Variants in IMMP2L observed in about 807,000 individuals in gnomAD.
IMMP2L encodes mitochondrial inner membrane protease subunit 2.
In IMMP2L, 18 loss-of-function variants were observed where a neutral mutation model predicts 19.3. That is an observed-to-expected ratio of 0.93 (90% CI 0.64 to 1.38). IMMP2L has a LOEUF of 1.38. IMMP2L is among the 40% of genes most tolerant of loss of function. The probability of loss-of-function intolerance (pLI) is 0.00; values close to 1 mark genes in which losing one functional copy is unlikely to be tolerated. For missense variants in IMMP2L, 233 were observed against 218.2 expected, an observed-to-expected ratio of 1.07 and a Z score of -0.43; for synonymous variants, 76 against 73.0, an observed-to-expected ratio of 1.04 and a Z score of -0.21.
rs551739236 is a variant in IMMP2L at position 110,980,061 on chromosome 7, T to A, written c.240-16496A>T. Among the ~76,000 whole-genome samples the A allele has an allele frequency of 2.6e-5, 4 of 152,162 alleles. No homozygotes were observed. The East Asian group carries it at 7.7e-4, about 29-fold the overall frequency. On this transcript the variant is annotated intron_variant, in intron 3 of 5. Coordinates refer to ENST00000405709, the MANE Select transcript of IMMP2L (RefSeq NM_032549.4). Reference sequence around the variant, plus strand: ...AGACAAGTTTTTATACTTTCTGGCCTTGGTCTCATCTGTACAATAAAAAGC... The same window carrying A: ...AGACAAGTTTTTATACTTTCTGGCCATGGTCTCATCTGTACAATAAAAAGC...
intron 3 of IMMP2L, among the ~76,000 whole-genome samples, chr7:111,309,056 C>T (rs1486229518): frequency 5.3e-5 from 8 of 152,010 alleles, no homozygotes; most frequent in African/African-American, 1.7e-4. Flanking sequence ...AGTACAGAAC[C>T]GCACCTGCAT....
chr7:111,508,481 T>C (rs1399412746), intron 2 of IMMP2L, among the ~76,000 whole-genome samples: 1 of 152,136 alleles, frequency 6.6e-6, no homozygotes, highest in Admixed American at 6.6e-5. Context: ...GAATTAGGCA[T>C]GCAGACACCA....
chr7:111,487,107 A>G, intron 3 of IMMP2L, 131 bp downstream of exon 3: 1 of 454,414 alleles, frequency 2.2e-6, no homozygotes, highest in Non-Finnish European at 3.9e-6. Context: ...TGATTTTTTA[A>G]AAATGCATTG....
intron 3 of IMMP2L, among the ~76,000 whole-genome samples, chr7:111,185,361 G>GT (rs757021697): frequency 2.0e-5 from 3 of 152,054 alleles, no homozygotes; most frequent in Non-Finnish European, 4.4e-5. Context: ...GCAATCACCC[G>GT]TAACTCATAG....
chr7:111,309,021 A>G (rs947969759), intron 3 of IMMP2L, among the ~76,000 whole-genome samples: 4 of 152,134 alleles, frequency 2.6e-5, no homozygotes, highest in Non-Finnish European at 4.4e-5. Context: ...TGCATCATTA[A>G]CTTAACCACT....
intron 3 of IMMP2L, among the ~76,000 whole-genome samples, chr7:111,062,813 G>A (rs1794143355): frequency 6.6e-6 from 1 of 152,224 alleles, no homozygotes; most frequent in Non-Finnish European, 1.5e-5. Context: ...CTCACAACCA[G>A]TTTACACTGA....
At chr7:111,144,607 T>C (rs912914194) in intron 3 of IMMP2L, among the ~76,000 whole-genome samples, 1 of 152,002 alleles carries the variant, frequency 6.6e-6, no homozygotes, top group East Asian at 1.9e-4. Context: ...TATTTAAGAG[T>C]TGCTGAGTTA....
intron 4 of IMMP2L, among the ~76,000 whole-genome samples, chr7:110,921,721 T>C (rs988595641): frequency 2.0e-5 from 3 of 152,166 alleles, no homozygotes; most frequent in African/African-American, 7.2e-5. Flanking sequence ...AGCTTGGATC[T>C]TGGAATAACA....
At chr7:111,060,593 G>A (rs770009149) in intron 3 of IMMP2L, among the ~76,000 whole-genome samples, 2 of 152,104 alleles carry the variant, frequency 1.3e-5, no homozygotes, top group Non-Finnish European at 2.9e-5. Context: ...ATACTTTGGG[G>A]CAAGTTATCT....
At chr7:111,384,270 G>A (rs747495198) in intron 3 of IMMP2L, among the ~76,000 whole-genome samples, 3 of 136,560 alleles carry the variant, frequency 2.2e-5, no homozygotes, top group South Asian at 2.3e-4. Context: ...AGAAAGGAGA[G>A]AGGAGAAAGG....
intron 5 of IMMP2L, among the ~76,000 whole-genome samples, chr7:110,710,939 C>G (rs897904204): frequency 4.4e-5 from 1 of 22,710 alleles, no homozygotes; most frequent in African/African-American, 2.4e-4. Context: ...ATACAACACA[C>G]TGATGGGTCT....
intron 5 of IMMP2L, among the ~76,000 whole-genome samples, chr7:110,878,252 A>C (rs926361450): frequency 6.6e-6 from 1 of 152,188 alleles, no homozygotes. Flanking sequence ...ACATGTATGT[A>C]GTTGAGGGTA....
intron 3 of IMMP2L, among the ~76,000 whole-genome samples, chr7:111,143,293 A>T (rs1044038752): frequency 1.3e-5 from 2 of 152,166 alleles, no homozygotes; most frequent in African/African-American, 2.4e-5. Context: ...TTCTGAATAC[A>T]TATCTGAGGA....
At chr7:111,521,513 A>G in intron 1 of IMMP2L, 64 bp from the exon 2 acceptor site, 1 of 1,457,708 alleles carries the variant, frequency 6.9e-7, no homozygotes, top group Non-Finnish European at 9.3e-7. Context: ...AAAGACATAA[A>G]AACAGTACAT....
intron 3 of IMMP2L, among the ~76,000 whole-genome samples, chr7:111,380,067 TA>T (rs1831051255): frequency 6.6e-6 from 1 of 151,904 alleles, no homozygotes; most frequent in African/African-American, 2.4e-5. Flanking sequence ...TTAATTAACT[TA>T]AAATGATTAA....
At chr7:110,809,943 G>A (rs946806805) in intron 5 of IMMP2L, among the ~76,000 whole-genome samples, 2 of 151,952 alleles carry the variant, frequency 1.3e-5, no homozygotes, top group African/African-American at 4.8e-5. Flanking sequence ...ATACACTTTG[G>A]AAACAGCAGT....
At chr7:111,304,146 T>C (rs1822572370) in intron 3 of IMMP2L, among the ~76,000 whole-genome samples, 1 of 152,126 alleles carries the variant, frequency 6.6e-6, no homozygotes, top group Non-Finnish European at 1.5e-5. Context: ...AAGGATTTAA[T>C]GGTCAAAGCT....
rs116736966 is a variant in IMMP2L, at chr7:111,276,004, C to T, written c.239+211234G>A. Among the ~76,000 whole-genome samples the T allele has an allele frequency of 9.8e-3, 1,496 of 152,146 alleles. 39 individuals are homozygous for T. The highest frequency in any genetic ancestry group is 0.034 in the African/African-American group (1,430 of 41,504). ...TCAGCAAACAGGGATAATTTGACTTCCTCATTTCCAATTTAGATGCCTCTT... is the reference window on the plus strand; with the variant it reads ...TCAGCAAACAGGGATAATTTGACTTTCTCATTTCCAATTTAGATGCCTCTT... On this transcript the variant is annotated intron_variant, in intron 3 of 5. Coordinates refer to ENST00000405709, the MANE Select transcript of IMMP2L (RefSeq NM_032549.4).
At chr7:111,434,528 CTTGT>C (rs1317006187) in intron 3 of IMMP2L, among the ~76,000 whole-genome samples, 4 of 149,408 alleles carry the variant, frequency 2.7e-5, no homozygotes, top group African/African-American at 9.9e-5. Flanking sequence ...GTTTTTTTGT[CTTGT>C]TTGTTTTTTG....
Sources: allele counts gnomAD v4.1 joint callset (sites outside exome capture counted in the v4.1 genomes callset), GRCh38; gene constraint gnomAD v4.1.1; transcripts MANE v1.5; gene names NCBI Gene and HGNC (gene_info 2026-07-23, HGNC 2026-07-21).